Variants in EPHA2 observed in about 807,000 individuals in gnomAD.
EPHA2 encodes EPH receptor A2, also known as ephrin type-A receptor 2.
In EPHA2, 54 loss-of-function variants were observed where a neutral mutation model predicts 104.9. The observed-to-expected ratio is 0.51, with a 90% confidence interval of 0.41 to 0.65. EPHA2 has a LOEUF of 0.65. Ranked by LOEUF, EPHA2 falls within the 30% of genes least tolerant of loss-of-function variation. The pLI, the probability that EPHA2 is intolerant of heterozygous loss-of-function variation, is 0.00. For synonymous variants in EPHA2, 560 were observed against 559.1 expected (o/e 1.00, Z -0.02); for missense variants, 1,117 against 1,369.5 (o/e 0.82, Z 2.91).
chr1:16,130,181 A>T lies in EPHA2; in HGVS notation c.2669+45T>A, dbSNP rs139721426. ...CTACCGAAGTGGTTCAAGAGTCTGC[A>T]GAAGGAAAATTGAGGTCATCATGGG... is the stretch of plus-strand genomic sequence containing the variant. On this transcript the variant is annotated intron_variant, in intron 15 of 16. Coordinates refer to ENST00000358432, the MANE Select transcript of EPHA2 (RefSeq NM_004431.5). This position sits in a 1 kb window ranked among gnomAD's most constrained non-coding sequence, Gnocchi z 4.5. The T allele has an allele frequency of 6.2e-3, 10,060 of 1,613,492 alleles. 133 individuals carry two copies. The highest frequency in any genetic ancestry group is 0.04 in the South Asian group (3,634 of 90,974).
At chr1:16,126,827 G>C (rs1016159193) in intron 16 of EPHA2, among the ~76,000 whole-genome samples, 1 of 152,140 alleles carries the variant, frequency 6.6e-6, no homozygotes, top group East Asian at 1.9e-4. Context: ...TAAGCTCCAG[G>C]AGGACAAGTG....
Position 16,150,788 on chromosome 1 carries a change from G to T in EPHA2, c.153+108C>A. The T allele has an allele frequency of 1.6e-6, 2 of 1,252,766 alleles. No homozygotes were observed. 77.6% of individuals were successfully genotyped at this position (1,252,766 alleles called of 1,614,324 possible). On this transcript the variant is annotated intron_variant, in intron 2 of 16. Transcript: ENST00000358432. The surrounding 1 kb of genome is among the most constrained non-coding windows in gnomAD (Gnocchi z 4.8). ...CCTGAGCCTGAGACCTGGCTGAGCTGCTGAATTGAAGCCAGGCCCCACGCT... is the reference window on the plus strand; with the variant it reads ...CCTGAGCCTGAGACCTGGCTGAGCTTCTGAATTGAAGCCAGGCCCCACGCT...
intron 3 of EPHA2, among the ~76,000 whole-genome samples, chr1:16,139,749 T>G (rs760710974): frequency 1.3e-5 from 2 of 152,130 alleles, no homozygotes; most frequent in Non-Finnish European, 2.9e-5. Flanking sequence ...AGTGGGTTTG[T>G]GGGCACAAAT....
chr1:16,148,528 T>C lies in EPHA2; in HGVS notation c.673A>G (p.Thr225Ala). ...TGGTCCACACAGGTGCCGGCCACAG[T>C]GGCCAGGGAAGGTGCATCAGAGCCG... is the stretch of plus-strand genomic sequence containing the variant. ...IAGSDAPSLA[T>A]VAGTCVDHAV... The change falls in exon 3 of 17, where the codon ACT becomes GCT. Residue 225 changes from threonine to alanine, a missense_variant. Transcript: ENST00000358432. The surrounding 1 kb of genome is among the most constrained non-coding windows in gnomAD (Gnocchi z 4.9). 6.2e-7 allele frequency: 1 copy of C among 1,613,582 alleles called. No individual in the cohort carries two copies. The highest frequency in any genetic ancestry group is 8.5e-7 in the Non-Finnish European group (1 of 1,179,980).
Position 16,125,224 on chromosome 1 carries a change from G to A in EPHA2, c.2922C>T (p.Ile974=). 1 of 1,613,940 alleles carries A rather than the reference G, an allele frequency of 6.2e-7. No individual in the cohort carries two copies. The highest frequency in any genetic ancestry group is 8.5e-7 in the Non-Finnish European group (1 of 1,179,962). The change falls in exon 17 of 17, where the codon ATC becomes ATT. Residue 974 remains isoleucine (I), a synonymous_variant. Coordinates refer to ENST00000358432, the MANE Select transcript of EPHA2 (RefSeq NM_004431.5). The surrounding 1 kb of genome is among the most constrained non-coding windows in gnomAD (Gnocchi z 4.9). The part of the protein sequence containing the change: ...GLKDQVNTVG[I]PI ...CAGGCCCTGTCGAGGCTCAGATGGG[G>A]ATCCCCACAGTGTTCACCTGGTCCT...
chr1:16,129,551 C>G lies in EPHA2; in HGVS notation c.2708G>C (p.Gly903Ala). Residue 903 changes from glycine to alanine, a missense_variant, in exon 16 of 17, where the codon GGG becomes GCG. By Grantham distance (60) the Gly-to-Ala change is moderately conservative (BLOSUM62 0). This residue lies in a region of EPHA2 where 340 missense variants were observed against 480.5 expected (regional missense o/e 0.71). Coordinates refer to ENST00000358432, the MANE Select transcript of EPHA2 (RefSeq NM_004431.5). ...IRLPSTSGSE[G>A]VPFRTVSEWL... Reference sequence around the variant, plus strand: ...CTCGGACACCGTGCGGAAGGGCACCCCCTCCGAGCCGCTCGTGCTGGGGAG... The same window carrying G: ...CTCGGACACCGTGCGGAAGGGCACCGCCTCCGAGCCGCTCGTGCTGGGGAG... 1 of 1,612,828 alleles carries G rather than the reference C, an allele frequency of 6.2e-7. No homozygotes were observed. The highest frequency in any genetic ancestry group is 8.5e-7 in the Non-Finnish European group (1 of 1,179,920).
Position 16,130,363 on chromosome 1 carries a change from G to A in EPHA2, c.2532C>T (p.Ser844=), listed in dbSNP as rs201687289. The A allele has an allele frequency of 6.3e-6, 10 of 1,579,764 alleles. No individual in the cohort carries two copies. Among genetic ancestry groups the A allele is most frequent in the South Asian group, 3.5e-5 (3 of 86,730 alleles). Residue 844 remains serine, a synonymous_variant, in exon 15 of 17, where the codon TCC becomes TCT. Transcript: ENST00000358432. The surrounding 1 kb of genome is among the most constrained non-coding windows in gnomAD (Gnocchi z 4.5). ...FRLPTPMDCP[S]AIYQLMMQCW... Reference sequence around the variant, plus strand: ...ACTGCATCATGAGCTGGTAGATGGCGGAGGGGCAGTCCATGGGTGTGGGGA... The same window carrying A: ...ACTGCATCATGAGCTGGTAGATGGCAGAGGGGCAGTCCATGGGTGTGGGGA...
In EPHA2 at chr1:16,148,632, G is replaced by A. The variant is rs772564338; in HGVS notation, c.569C>T (p.Ala190Val). Residue 190 changes from alanine to valine, a missense_variant, in exon 3 of 17, where the codon GCG becomes GTG. Physicochemically the swap from Ala to Val is moderately conservative, Grantham distance 64 (BLOSUM62 0). This residue lies in a region of EPHA2 where 664 missense variants were observed against 784.8 expected (regional missense o/e 0.85). Transcript: ENST00000358432. This position sits in a 1 kb window ranked among gnomAD's most constrained non-coding sequence, Gnocchi z 4.9. ...LAFQDIGACV[A>V]LLSVRVYYKK... ...GTAGTAGACACGGACGGAGAGCAGC[G>A]CCACACAGGCACCGATATCCTGGAA... 8 of 1,608,006 alleles carry A rather than the reference G, an allele frequency of 5.0e-6. No homozygotes were observed. Among genetic ancestry groups the A allele is most frequent in the Admixed American group, 1.7e-5 (1 of 59,988 alleles).
At chr1:16,153,821 C>T (rs576094899) in intron 1 of EPHA2, among the ~76,000 whole-genome samples, 3 of 152,126 alleles carry the variant, frequency 2.0e-5, no homozygotes, top group Non-Finnish European at 2.9e-5. Context: ...CTGCCTGCCC[C>T]CTAAGCCACC....
At position 16,134,974 on chromosome 1, in the gene EPHA2, G is replaced by C. The variant is rs1358940510; in HGVS notation, c.1582+62C>G. 2.5e-6 allele frequency: 4 copies of C among 1,596,970 alleles called. No homozygotes were observed. Among genetic ancestry groups the C allele is most frequent in the Non-Finnish European group, 3.4e-6 (4 of 1,174,712 alleles). On this transcript the variant is annotated intron_variant, in intron 7 of 16. Coordinates refer to ENST00000358432, the MANE Select transcript of EPHA2 (RefSeq NM_004431.5). This position sits in a 1 kb window ranked among gnomAD's most constrained non-coding sequence, Gnocchi z 4.5. ...TTATTTGATTCACTTCCTTTCCCAA[G>C]ATGTCTCAATTGCTTGGTTCTGGGC...
chr1:16,136,713 A>AAAGAAGAAGAAG (rs202150956), intron 5 of EPHA2, among the ~76,000 whole-genome samples: 8,299 of 102,576 alleles, frequency 0.081, 496 homozygotes, highest in Middle Eastern at 0.12. Context: ...AAGAAGAAGA[A>AAAGAAGAAGAAG]AAGAAGAAGA....
In EPHA2 at chr1:16,154,756, CAAAAAAAAAAA is replaced by C. The variant is rs558609049; in HGVS notation, c.85+1081_85+1091del. On this transcript the variant is annotated intron_variant, in intron 1 of 16. Coordinates refer to ENST00000358432, the MANE Select transcript of EPHA2 (RefSeq NM_004431.5). ...GGGCAACAAGTGCGAAACTCCGTCT[CAAAAAAAAAAA>C]AAAAAAAAAAAAAGAAGGAAACTTC... 5.8e-3 allele frequency among the ~76,000 whole-genome samples: 390 copies of C among 66,902 alleles called. 17 individuals carry two copies. In the South Asian group the frequency reaches 0.21, roughly 36 times the overall value. 43.9% of individuals were successfully genotyped at this position (66,902 alleles called of 152,430 possible).
Position 16,139,978 on chromosome 1 carries a change from A to G in EPHA2, c.824-1548T>C, listed in dbSNP as rs117782306. 2.6e-5 allele frequency among the ~76,000 whole-genome samples: 4 copies of G among 152,294 alleles called. No individual in the cohort carries two copies. The East Asian group carries it at 7.7e-4, about 29-fold the overall frequency. On this transcript the variant is annotated intron_variant, in intron 3 of 16. Coordinates refer to ENST00000358432, the MANE Select transcript of EPHA2 (RefSeq NM_004431.5). ...GCCTAAGGACAACCCCCTCCAGGGA[A>G]GCAATTTCAAGTGCCCTGACCCAAG...
rs2024641491 is a variant in EPHA2 at position 16,134,396 on chromosome 1, G to A, written c.1682+72C>T. ...ATCCTGTGGGCCCCATCGTTCAGAT[G>A]AGGAAATGGAGGTTCCTGCCCCATT... On this transcript the variant is annotated intron_variant, in intron 8 of 16. Transcript: ENST00000358432. This position sits in a 1 kb window ranked among gnomAD's most constrained non-coding sequence, Gnocchi z 4.5. 1.4e-6 allele frequency: 2 copies of A among 1,479,098 alleles called. No homozygotes were observed. The highest frequency in any genetic ancestry group is 9.4e-7 in the Non-Finnish European group (1 of 1,063,962). The allele number at this position is 1,479,098 out of a possible 1,614,324, so 91.6% of individuals were successfully genotyped here. A position where few individuals can be genotyped will look rare whatever the true frequency, so the allele number is the denominator to read the frequency against.
chr1:16,133,076 G>T (rs2024609367), intron 11 of EPHA2, 104 bp downstream of exon 11: 1 of 1,478,816 alleles, frequency 6.8e-7, no homozygotes, highest in Non-Finnish European at 9.2e-7. Context: ...GTGCAGGTGT[G>T]GGGGGAAGGT....
Position 16,150,475 on chromosome 1 carries a change from A to G in EPHA2, c.153+421T>C, listed in dbSNP as rs2025013886. ...GGGGCGGGCAGGAAGGAACTTGATC[A>G]GGTTTTCCTGTTCCCTGTCTCTTCT... On this transcript the variant is annotated intron_variant, in intron 2 of 16. Coordinates refer to ENST00000358432, the MANE Select transcript of EPHA2 (RefSeq NM_004431.5). This position sits in a 1 kb window ranked among gnomAD's most constrained non-coding sequence, Gnocchi z 4.8. 6.6e-6 allele frequency among the ~76,000 whole-genome samples: 1 copy of G among 152,200 alleles called. No homozygotes were observed. Among genetic ancestry groups the G allele is most frequent in the Non-Finnish European group, 1.5e-5 (1 of 68,032 alleles).
At chr1:16,151,966 A>C (rs904105) in intron 1 of EPHA2, among the ~76,000 whole-genome samples, 143,118 of 152,258 alleles carry the variant, frequency 0.94, 67,297 homozygotes, top group Middle Eastern at 0.98. Flanking sequence ...GAGGCCATAG[A>C]CAAAACCTAA....
intron 3 of EPHA2, among the ~76,000 whole-genome samples, chr1:16,141,788 G>A (rs1057268534): frequency 1.3e-5 from 2 of 152,256 alleles, no homozygotes; most frequent in Non-Finnish European, 2.9e-5. Flanking sequence ...CTGCCGCCAG[G>A]AAAGAGGGAA....
rs946018612 is a variant in EPHA2, at chr1:16,130,801, T to A, written c.2476-382A>T. Among the ~76,000 whole-genome samples, 2 of 152,136 alleles carry A rather than the reference T, an allele frequency of 1.3e-5. No individual in the cohort carries two copies. Among genetic ancestry groups the A allele is most frequent in the African/African-American group, 2.4e-5 (1 of 41,438 alleles). The stretch of plus-strand genomic sequence containing the variant: ...CGTGCCAACACACTTGGCTAATTTT[T>A]TAATTTTTTGTAGAGATGGGGTTTC... On this transcript the variant is annotated intron_variant, in intron 14 of 16. Coordinates refer to ENST00000358432, the MANE Select transcript of EPHA2 (RefSeq NM_004431.5). This position sits in a 1 kb window ranked among gnomAD's most constrained non-coding sequence, Gnocchi z 4.5.
Sources: allele counts gnomAD v4.1 joint callset (sites outside exome capture counted in the v4.1 genomes callset), GRCh38; gene constraint gnomAD v4.1.1; regional missense constraint gnomAD v4.1.1; non-coding constraint Gnocchi (gnomAD v3.1); transcripts MANE v1.5; gene names NCBI Gene and HGNC (gene_info 2026-07-23, HGNC 2026-07-21).